The following WDFY2 variants were observed in gnomAD, a reference collection of about 807,000 sequenced individuals.
WDFY2 encodes WD repeat and FYVE domain-containing protein 2.
WDFY2 carries 36 observed loss-of-function variants against 56.4 expected under a neutral mutation model. The ratio of observed to expected loss-of-function variants is 0.64; its 90% CI spans 0.49 to 0.84. The LOEUF is 0.84. WDFY2 is among the 40% of genes least tolerant of loss of function. The probability of loss-of-function intolerance (pLI) is 0.00; values close to 1 mark genes in which losing one functional copy is unlikely to be tolerated. For synonymous variants in WDFY2, 176 were observed against 183.7 expected (o/e 0.96, Z 0.34); for missense variants, 444 against 512.2 (o/e 0.87, Z 1.29).
intron 7 of WDFY2, among the ~76,000 whole-genome samples, chr13:51,744,703 G>C (rs1398537273): frequency 6.6e-6 from 1 of 152,316 alleles, no homozygotes; most frequent in South Asian, 2.1e-4. Context: ...TTGTGCACTT[G>C]TAAGAGCATT....
intron 1 of WDFY2, among the ~76,000 whole-genome samples, chr13:51,616,142 T>TG (rs1954608070): frequency 6.6e-6 from 1 of 151,970 alleles, no homozygotes; most frequent in African/African-American, 2.4e-5. Flanking sequence ...CGGACTGAGG[T>TG]GGGGGGATTG....
chr13:51,750,673 T>C (rs1280779487), intron 7 of WDFY2, among the ~76,000 whole-genome samples: 1 of 152,064 alleles, frequency 6.6e-6, no homozygotes, highest in African/African-American at 2.4e-5. Context: ...CAAGAGGGAA[T>C]AACTTGTCAG....
At chr13:51,699,462 C>T (rs926499179) in intron 3 of WDFY2, among the ~76,000 whole-genome samples, 3 of 152,184 alleles carry the variant, frequency 2.0e-5, no homozygotes, top group Non-Finnish European at 4.4e-5. Flanking sequence ...GATATTGCAC[C>T]TTCAAATAAA....
At chr13:51,588,712 C>T (rs1180967334) in intron 1 of WDFY2, 2 of 152,208 alleles carry the variant, frequency 1.3e-5, no homozygotes, top group African/African-American at 4.8e-5. Flanking sequence ...CTAGAATGTC[C>T]TGATTAAGGG....
At chr13:51,585,034 G>T (rs961901357) in intron 1 of WDFY2, among the ~76,000 whole-genome samples, 2 of 152,234 alleles carry the variant, frequency 1.3e-5, no homozygotes, top group Admixed American at 6.5e-5. Context: ...GGCGGCGAGC[G>T]CTCCGGCTTC....
chr13:51,727,547 G>A lies in WDFY2; in HGVS notation c.486-131G>A, dbSNP rs143638614. ...TTCATTTAGTTAAGTTCACTTTTGTGTCTTTCAGCACTGTCTTCACATTTT... is the reference window on the plus strand; with the variant it reads ...TTCATTTAGTTAAGTTCACTTTTGTATCTTTCAGCACTGTCTTCACATTTT... On this transcript the variant is annotated intron_variant, in intron 5 of 11. Transcript: ENST00000298125. 2.2e-3 allele frequency: 1,675 copies of A among 756,340 alleles called. 13 individuals are homozygous for A. Among genetic ancestry groups the A allele is most frequent in the African/African-American group, 0.015 (845 of 57,116 alleles). 46.9% of individuals were successfully genotyped at this position (756,340 alleles called of 1,614,324 possible). A position where few individuals can be genotyped will look rare whatever the true frequency, so the allele number is the denominator to read the frequency against.
intron 2 of WDFY2, among the ~76,000 whole-genome samples, chr13:51,674,719 G>A (rs1399975258): frequency 6.6e-6 from 1 of 152,124 alleles, no homozygotes; most frequent in Non-Finnish European, 1.5e-5. Context: ...ACTCCTGTGT[G>A]TATGTGTCTG....
chr13:51,616,202 G>A (rs528812426), intron 1 of WDFY2, among the ~76,000 whole-genome samples: 6 of 152,222 alleles, frequency 3.9e-5, no homozygotes, highest in East Asian at 3.9e-4. Context: ...GTATCACTGC[G>A]CTCCAGCCTG....
chr13:51,658,421 C>A (rs896815045), intron 1 of WDFY2, among the ~76,000 whole-genome samples: 1 of 152,148 alleles, frequency 6.6e-6, no homozygotes, highest in Non-Finnish European at 1.5e-5. Flanking sequence ...TCAAACACAC[C>A]CCCTACAAAC....
At chr13:51,640,717 G>T (rs187370253) in intron 1 of WDFY2, among the ~76,000 whole-genome samples, 1 of 151,892 alleles carries the variant, frequency 6.6e-6, no homozygotes, top group East Asian at 1.9e-4. Context: ...GGGTGTGGTG[G>T]TGGGTGCCTG....
chr13:51,658,708 T>C (rs1041934660), intron 1 of WDFY2, among the ~76,000 whole-genome samples: 1 of 152,212 alleles, frequency 6.6e-6, no homozygotes. Flanking sequence ...AATGCCGATA[T>C]GCGTATCGCT....
At chr13:51,617,864 G>A (rs1367139785) in intron 1 of WDFY2, among the ~76,000 whole-genome samples, 1 of 152,104 alleles carries the variant, frequency 6.6e-6, no homozygotes, top group Non-Finnish European at 1.5e-5. Flanking sequence ...TTTTTCTTTA[G>A]CCATTGACTG....
intron 1 of WDFY2, among the ~76,000 whole-genome samples, chr13:51,658,905 A>T (rs1234677926): frequency 6.6e-6 from 1 of 151,722 alleles, no homozygotes; most frequent in Non-Finnish European, 1.5e-5. Flanking sequence ...TTTCCTACTA[A>T]TTATTTATTT....
At chr13:51,687,615 TA>T (rs768546432) in intron 3 of WDFY2, among the ~76,000 whole-genome samples, 2,026 of 139,888 alleles carry the variant, frequency 0.014, 13 homozygotes, top group African/African-American at 0.032. Context: ...TGACTTGAGC[TA>T]AAAAAAAAAA....
At chr13:51,675,366 A>G in intron 3 of WDFY2, 123 bp downstream of exon 3, 2 of 847,514 alleles carry the variant, frequency 2.4e-6, no homozygotes, top group South Asian at 1.7e-5. Context: ...TGAAAATTGC[A>G]GCGTAGCAAA....
At chr13:51,751,194 A>G (rs140451738) in intron 7 of WDFY2, 116 bp from the exon 8 acceptor site, 3 of 861,384 alleles carry the variant, frequency 3.5e-6, no homozygotes, top group African/African-American at 3.5e-5. Flanking sequence ...GGTTTCTAAG[A>G]TCTACACTGG....
chr13:51,603,410 G>T (rs560318574), intron 1 of WDFY2, among the ~76,000 whole-genome samples: 27 of 152,312 alleles, frequency 1.8e-4, no homozygotes, highest in African/African-American at 6.3e-4. Context: ...GCTTCCAGCT[G>T]TTAGAAGCCC....
At chr13:51,629,210 T>C (rs1593901457) in intron 1 of WDFY2, among the ~76,000 whole-genome samples, 1 of 152,166 alleles carries the variant, frequency 6.6e-6, no homozygotes, top group Non-Finnish European at 1.5e-5. Flanking sequence ...GCACACCAAG[T>C]GGATAGTGTG....
rs1402873513 is a variant in WDFY2, at chr13:51,660,586, T to G, written c.138-10T>G. On this transcript the variant is annotated splice_polypyrimidine_tract_variant and intron_variant, in intron 1 of 11. Coordinates refer to ENST00000298125, the MANE Select transcript of WDFY2 (RefSeq NM_052950.4). ...ATGTGATTTCATGTACATATTTTCT[T>G]CTGTTGTAGGACAGTTCGTGTTTGG... 1 of 1,612,610 alleles carries G rather than the reference T, an allele frequency of 6.2e-7. No homozygotes were observed. Among genetic ancestry groups the G allele is most frequent in the African/African-American group, 1.3e-5 (1 of 74,866 alleles).
Sources: allele counts gnomAD v4.1 joint callset (sites outside exome capture counted in the v4.1 genomes callset), GRCh38; gene constraint gnomAD v4.1.1; transcripts MANE v1.5; gene names NCBI Gene and HGNC (gene_info 2026-07-23, HGNC 2026-07-21).